The following XIRP2 variants were observed in gnomAD, a reference collection of about 807,000 sequenced individuals.
The protein encoded by XIRP2 is xin actin-binding repeat-containing protein 2.
XIRP2 carries 236 observed loss-of-function variants against 277.0 expected under a neutral mutation model. The observed-to-expected ratio is 0.85, with a 90% CI of 0.77 to 0.95. The LOEUF is 0.95. Ranked by LOEUF, XIRP2 falls within the 40% of genes least tolerant of loss-of-function variation. The pLI is 0.00. For missense variants in XIRP2, 4,640 were observed against 4,157.5 expected, an observed-to-expected ratio of 1.12 and a Z score of -3.19; for synonymous variants, 1,490 against 1,416.5, an observed-to-expected ratio of 1.05 and a Z score of -1.17.
chr2:166,909,245 C>A (rs79482619), intron 2 of XIRP2, among the ~76,000 whole-genome samples: 1 of 151,948 alleles, frequency 6.6e-6, no homozygotes, highest in Non-Finnish European at 1.5e-5. Context: ...TTCCTATCCA[C>A]GAGCATGGAA....
intron 3 of XIRP2, among the ~76,000 whole-genome samples, chr2:167,146,528 AAATT>A (rs1327992203): frequency 1.3e-5 from 2 of 152,006 alleles, no homozygotes; most frequent in East Asian, 3.9e-4. Flanking sequence ...AGAAAGAAAG[AAATT>A]AATTATAGAG....
At chr2:166,985,291 A>G (rs934229678) in intron 2 of XIRP2, among the ~76,000 whole-genome samples, 1 of 152,242 alleles carries the variant, frequency 6.6e-6, no homozygotes, top group South Asian at 2.1e-4. Flanking sequence ...AAAGTAATCT[A>G]TACAGTTAAA....
intron 4 of XIRP2, among the ~76,000 whole-genome samples, chr2:167,217,929 A>G (rs997755033): frequency 2.0e-5 from 3 of 152,170 alleles, no homozygotes; most frequent in Non-Finnish European, 2.9e-5. Flanking sequence ...AGAAGAATTA[A>G]CTCAATACTT....
At chr2:167,231,659 A>G (rs1694760391) in intron 5 of XIRP2, among the ~76,000 whole-genome samples, 1 of 151,688 alleles carries the variant, frequency 6.6e-6, no homozygotes, top group African/African-American at 2.4e-5. Flanking sequence ...AATACCATAC[A>G]CTCACTCTCC....
intron 2 of XIRP2, among the ~76,000 whole-genome samples, chr2:166,943,385 C>G (rs1685772497): frequency 6.6e-6 from 1 of 152,178 alleles, no homozygotes; most frequent in African/African-American, 2.4e-5. Flanking sequence ...TCTCTCTTTG[C>G]TTTCTCCTTG....
chr2:167,217,096 T>C (rs1195789190), intron 4 of XIRP2, among the ~76,000 whole-genome samples: 1 of 127,910 alleles, frequency 7.8e-6, no homozygotes, highest in Non-Finnish European at 1.6e-5. Context: ...GATCACATGG[T>C]CACAGGAAGG....
At chr2:167,210,501 A>G (rs1192579375) in intron 3 of XIRP2, among the ~76,000 whole-genome samples, 2 of 152,184 alleles carry the variant, frequency 1.3e-5, no homozygotes, top group Non-Finnish European at 2.9e-5. Flanking sequence ...AATAATTGCA[A>G]GAGTTGGGGG....
intron 2 of XIRP2, among the ~76,000 whole-genome samples, chr2:167,121,653 C>T (rs1691060430): frequency 6.6e-6 from 1 of 152,040 alleles, no homozygotes. Context: ...TCCTAAAATA[C>T]TTTAGGGCCC....
At chr2:167,100,630 T>C (rs1449390450) in intron 2 of XIRP2, among the ~76,000 whole-genome samples, 2 of 152,216 alleles carry the variant, frequency 1.3e-5, no homozygotes, top group Admixed American at 6.6e-5. Flanking sequence ...ACTAAGCATA[T>C]GTTGCGTAGA....
In XIRP2 at chr2:167,246,793, C is replaced by G. The variant is rs777114065; in HGVS notation, c.5401C>G (p.Arg1801Gly). The G allele has an allele frequency of 1.2e-5, 20 of 1,613,714 alleles. No homozygotes were observed. The highest frequency in any genetic ancestry group is 1.6e-5 in the Non-Finnish European group (19 of 1,179,852). ...LLKKRQSLVERTVSETDIIPG... is the reference protein window; with the variant it reads ...LLKKRQSLVEGTVSETDIIPG... ...GAAGAAAAGGCAGTCTCTGGTTGAACGTACTGTTAGTGAAACTGACATCAT... is the reference window on the plus strand; with the variant it reads ...GAAGAAAAGGCAGTCTCTGGTTGAAGGTACTGTTAGTGAAACTGACATCAT... The change falls in exon 9 of 11, where the codon CGT (arginine) becomes GGT (glycine). Residue 1801 changes from arginine (R) to glycine (G), a missense_variant. Arg to Gly is a moderately radical substitution (Grantham distance 125). Coordinates refer to ENST00000409195, the MANE Select transcript of XIRP2 (RefSeq NM_152381.6).
intron 2 of XIRP2, among the ~76,000 whole-genome samples, chr2:167,048,768 G>C (rs1288289528): frequency 2.0e-5 from 3 of 151,722 alleles, no homozygotes; most frequent in African/African-American, 7.3e-5. Context: ...CCTTCCTTTT[G>C]AGTCCTTTCT....
chr2:167,170,278 C>T (rs377300339), intron 3 of XIRP2, among the ~76,000 whole-genome samples: 1 of 151,256 alleles, frequency 6.6e-6, no homozygotes, highest in South Asian at 2.1e-4. Context: ...CTTTTAATTC[C>T]CTTGCCTGAT....
chr2:167,072,881 A>G (rs1323020461), intron 2 of XIRP2, among the ~76,000 whole-genome samples: 1 of 152,208 alleles, frequency 6.6e-6, no homozygotes, highest in Non-Finnish European at 1.5e-5. Context: ...TATTTTGCAT[A>G]AAGTGTATAA....
At chr2:167,176,691 GT>G (rs1195872348) in intron 3 of XIRP2, among the ~76,000 whole-genome samples, 1 of 152,202 alleles carries the variant, frequency 6.6e-6, no homozygotes, top group African/African-American at 2.4e-5. Context: ...GGTTGTTAGT[GT>G]GGGGTAAGTC....
chr2:166,995,740 A>T (rs1687205397), intron 2 of XIRP2, among the ~76,000 whole-genome samples: 1 of 152,008 alleles, frequency 6.6e-6, no homozygotes, highest in Non-Finnish European at 1.5e-5. Context: ...AGCATTACTG[A>T]CCTTTTAAGC....
At chr2:166,932,540 G>A (rs1309925386) in intron 2 of XIRP2, among the ~76,000 whole-genome samples, 1 of 151,894 alleles carries the variant, frequency 6.6e-6, no homozygotes, top group Non-Finnish European at 1.5e-5. Context: ...TATATTTTTT[G>A]CTCATCAGAA....
At chr2:167,202,313 C>T (rs1333640648) in intron 3 of XIRP2, among the ~76,000 whole-genome samples, 1 of 151,990 alleles carries the variant, frequency 6.6e-6, no homozygotes, top group Non-Finnish European at 1.5e-5. Flanking sequence ...CGTATATGCC[C>T]AAACTAGCAA....
intron 2 of XIRP2, among the ~76,000 whole-genome samples, chr2:167,050,334 C>G (rs909740976): frequency 8.6e-5 from 13 of 151,946 alleles, no homozygotes; most frequent in African/African-American, 3.1e-4. Context: ...TTGGTTATAT[C>G]GGATTTAAAT....
intron 3 of XIRP2, among the ~76,000 whole-genome samples, chr2:167,209,471 T>G (rs1356129635): frequency 3.9e-5 from 6 of 151,992 alleles, no homozygotes; most frequent in Non-Finnish European, 8.8e-5. Context: ...TGTCTTTTAC[T>G]AGAGGTTATT....
Sources: allele counts gnomAD v4.1 joint callset (sites outside exome capture counted in the v4.1 genomes callset), GRCh38; gene constraint gnomAD v4.1.1; transcripts MANE v1.5; gene names NCBI Gene and HGNC (gene_info 2026-07-23, HGNC 2026-07-21).